Variants in DNAH3 observed in about 807,000 individuals in gnomAD.
DNAH3 encodes axonemal beta dynein heavy chain 3.
DNAH3 carries 332 observed loss-of-function variants against 432.5 expected under a neutral mutation model. The ratio of observed to expected loss-of-function variants is 0.77; its 90% CI spans 0.70 to 0.84. The LOEUF (loss-of-function observed/expected upper bound fraction) is 0.84, where lower values mean the gene tolerates loss of function less well. Among genes scored for constraint, DNAH3 ranks in the 40% least tolerant of loss-of-function variants. The pLI is 0.00. For synonymous variants in DNAH3, 1,956 were observed against 1,900.2 expected (o/e 1.03, Z -0.76); for missense variants, 4,861 against 5,114.0 (o/e 0.95, Z 1.51).
chr16:21,083,029 T>A (rs984601349), intron 19 of DNAH3, among the ~76,000 whole-genome samples: 47 of 151,432 alleles, frequency 3.1e-4, no homozygotes, highest in African/African-American at 1.0e-3. Context: ...ATACTTTTTT[T>A]TTTTTGAGAG....
chr16:20,970,896 G>C (rs914203925), intron 51 of DNAH3, among the ~76,000 whole-genome samples: 10 of 129,870 alleles, frequency 7.7e-5, no homozygotes, highest in African/African-American at 2.7e-4. Flanking sequence ...ACAGAGTCTC[G>C]CTCTATCATC....
chr16:21,096,356 T>C (rs1483256347), intron 18 of DNAH3, among the ~76,000 whole-genome samples: 3 of 152,036 alleles, frequency 2.0e-5, no homozygotes, highest in Non-Finnish European at 4.4e-5. Context: ...GGTCTCGAAC[T>C]CCTGGGCTCA....
chr16:21,139,113 T>A (rs1430505757), intron 5 of DNAH3, among the ~76,000 whole-genome samples: 2 of 151,986 alleles, frequency 1.3e-5, no homozygotes, highest in African/African-American at 4.8e-5. Flanking sequence ...TTAAGACGGG[T>A]TGGAAACTCC....
At chr16:21,099,814 T>G (rs1243315457) in intron 16 of DNAH3, among the ~76,000 whole-genome samples, 1 of 152,228 alleles carries the variant, frequency 6.6e-6, no homozygotes, top group Non-Finnish European at 1.5e-5. Flanking sequence ...TAGTTGATTT[T>G]TACTTATTTA....
At chr16:21,004,623 C>T (rs2087188942) in intron 41 of DNAH3, among the ~76,000 whole-genome samples, 4 of 152,132 alleles carry the variant, frequency 2.6e-5, no homozygotes, top group Admixed American at 6.6e-5. Flanking sequence ...CCGACTTGGC[C>T]TCCCGAAGTG....
exon 5 of DNAH3, chr16:21,140,556 G>C: frequency 6.2e-7 from 1 of 1,613,972 alleles, no homozygotes; most frequent in Non-Finnish European, 8.5e-7. Flanking sequence ...GATTCAGATG[G>C]CTTCTTTTCT....
At chr16:21,099,268 G>GGACA (rs2091773990) in intron 16 of DNAH3, among the ~76,000 whole-genome samples, 3 of 151,816 alleles carry the variant, frequency 2.0e-5, no homozygotes, top group Non-Finnish European at 4.4e-5. Context: ...ATGGATGGAT[G>GGACA]GATGGACAGA....
chr16:20,998,665 G>A (rs1463918907), intron 43 of DNAH3, among the ~76,000 whole-genome samples: 1 of 149,138 alleles, frequency 6.7e-6, no homozygotes, highest in Non-Finnish European at 1.5e-5. Flanking sequence ...GCACATCAGA[G>A]GCACTCAATG....
At chr16:21,106,315 A>C (rs1410228901) in intron 15 of DNAH3, among the ~76,000 whole-genome samples, 175 bp downstream of exon 15, 2 of 152,108 alleles carry the variant, frequency 1.3e-5, no homozygotes, top group Non-Finnish European at 2.9e-5. Flanking sequence ...ATATGGGGGC[A>C]CTTGAAAGGC....
At position 21,064,860 on chromosome 16, in the gene DNAH3, GGTGTGTGTGTGT is replaced by G. The variant is rs369066790; in HGVS notation, c.3519-2189_3519-2178del. 0.014 allele frequency among the ~76,000 whole-genome samples: 1,816 copies of G among 131,764 alleles called. 64 individuals are homozygous for G. The East Asian group carries it at 0.14, about 10-fold the overall frequency. The allele number at this position is 131,764 out of a possible 152,430, so 86.4% of individuals were successfully genotyped here. On this transcript the variant is annotated intron_variant, in intron 24 of 61. Transcript: ENST00000261383. The stretch of plus-strand genomic sequence containing the variant: ...ATAAAAATGCATAAATATTGAGGTA[GGTGTGTGTGTGT>G]GTGTGTGTGTGTGTGTGTGTGTGTG...
chr16:21,152,924 G>A (rs1339063468), intron 1 of DNAH3, among the ~76,000 whole-genome samples: 7 of 152,158 alleles, frequency 4.6e-5, no homozygotes, highest in Non-Finnish European at 8.8e-5. Flanking sequence ...CCCGACGAGC[G>A]CCACCCCCTG....
intron 7 of DNAH3, among the ~76,000 whole-genome samples, chr16:21,133,428 A>G (rs2092598043): frequency 6.6e-6 from 1 of 151,826 alleles, no homozygotes; most frequent in Non-Finnish European, 1.5e-5. Flanking sequence ...AGGGAGACAA[A>G]TAAGTAAATG....
At chr16:21,083,022 C>CT (rs112090022) in intron 19 of DNAH3, among the ~76,000 whole-genome samples, 76 of 140,198 alleles carry the variant, frequency 5.4e-4, no homozygotes, top group Middle Eastern at 3.6e-3. Context: ...TTTTTCCATA[C>CT]TTTTTTTTTT....
intron 49 of DNAH3, among the ~76,000 whole-genome samples, 183 bp from the exon 50 acceptor site, chr16:20,979,729 G>C (rs564567541): frequency 6.6e-6 from 1 of 152,160 alleles, no homozygotes; most frequent in African/African-American, 2.4e-5. Context: ...AGGTACATAG[G>C]TGCATACTCT....
intron 16 of DNAH3, 100 bp from the exon 17 acceptor site, chr16:21,098,869 A>C: frequency 1.6e-6 from 2 of 1,224,286 alleles, no homozygotes; most frequent in Non-Finnish European, 2.3e-6. Flanking sequence ...AGACAATTTG[A>C]TCAGTTACCT....
At chr16:21,114,736 A>G (rs1020615322) in intron 12 of DNAH3, among the ~76,000 whole-genome samples, 21 of 152,156 alleles carry the variant, frequency 1.4e-4, no homozygotes, top group Admixed American at 2.6e-4. Context: ...AAAAGTCAGG[A>G]AACAACAGGT....
At chr16:21,087,806 G>A (rs1453398462) in intron 18 of DNAH3, among the ~76,000 whole-genome samples, 1 of 152,138 alleles carries the variant, frequency 6.6e-6, no homozygotes, top group Non-Finnish European at 1.5e-5. Context: ...GCTGGGGTGG[G>A]AGGATCACTT....
intron 44 of DNAH3, among the ~76,000 whole-genome samples, chr16:20,991,471 C>T (rs1350976005): frequency 1.3e-5 from 2 of 152,146 alleles, no homozygotes. Flanking sequence ...GCCATATTGG[C>T]CAGGCTGGTC....
chr16:21,049,579 T>A (rs2089865791), exon 31 of DNAH3: 1 of 1,614,102 alleles, frequency 6.2e-7, no homozygotes, highest in African/African-American at 1.3e-5. Context: ...CTCGATCCTG[T>A]TGAACTCATC....
Sources: allele counts gnomAD v4.1 joint callset (sites outside exome capture counted in the v4.1 genomes callset), GRCh38; gene constraint gnomAD v4.1.1; transcripts MANE v1.5; gene names NCBI Gene and HGNC (gene_info 2026-07-23, HGNC 2026-07-21).